Variants in NFASC observed in about 807,000 individuals in gnomAD.
NFASC encodes the protein neurofascin homolog.
In NFASC, 43 loss-of-function variants were observed where a neutral mutation model predicts 147.5. The ratio of observed to expected loss-of-function variants is 0.29; its 90% CI spans 0.23 to 0.38. NFASC has a LOEUF of 0.38. Among genes scored for constraint, NFASC ranks in the 10% least tolerant of loss-of-function variants. NFASC has a pLI of 1.00. For missense variants in NFASC, 1,320 were observed against 1,689.0 expected, an observed-to-expected ratio of 0.78 and a Z score of 3.83; for synonymous variants, 622 against 665.5, an observed-to-expected ratio of 0.93 and a Z score of 1.01.
At chr1:204,837,349 A>G (rs1015309734) in intron 1 of NFASC, among the ~76,000 whole-genome samples, 2 of 152,224 alleles carry the variant, frequency 1.3e-5, no homozygotes, top group African/African-American at 4.8e-5. Flanking sequence ...GCCCACTCAA[A>G]GGGCTAGAAG....
chr1:204,993,222 C>T (rs4501880), intron 24 of NFASC, among the ~76,000 whole-genome samples: 12,573 of 152,240 alleles, frequency 0.083, 701 homozygotes, highest in Middle Eastern at 0.15. Flanking sequence ...GAAGATAATC[C>T]CTCTCATCCA....
At chr1:204,939,628 C>G (rs990209899) in intron 2 of NFASC, among the ~76,000 whole-genome samples, 5 of 152,286 alleles carry the variant, frequency 3.3e-5, no homozygotes, top group Non-Finnish European at 7.3e-5. Context: ...TTGCACTTCT[C>G]TGCACCTAAG....
At chr1:204,887,163 C>G (rs1364472980) in intron 1 of NFASC, among the ~76,000 whole-genome samples, 1 of 151,798 alleles carries the variant, frequency 6.6e-6, no homozygotes, top group Non-Finnish European at 1.5e-5. Flanking sequence ...ATTCCCTCCT[C>G]CCCCAAGCAC....
rs377519786 is a variant in NFASC, at chr1:204,988,716, G to A, written c.2677G>A (p.Val893Met). ...GTTCACGGTGCAAAGAACGGACCCC[G>A]TGTCACGCTACCGCTTTACCCTCAG... ...TKFTVQRTDP[V>M]SRYRFTLSAR... is the part of the protein sequence containing the mutation. Residue 893 changes from valine (V) to methionine (M), a missense_variant, in exon 23 of 30, where the codon GTG (valine) becomes ATG (methionine). Coordinates refer to ENST00000339876, the MANE Select transcript of NFASC (RefSeq NM_001005388.3). 75 of 1,614,118 alleles carry A rather than the reference G, an allele frequency of 4.6e-5. No individual in the cohort carries two copies. The highest frequency in any genetic ancestry group is 1.3e-4 in the African/African-American group (10 of 74,946).
chr1:204,977,654 C>T (rs377231868), intron 16 of NFASC, 27 bp from the exon 17 acceptor site: 1 of 1,605,246 alleles, frequency 6.2e-7, no homozygotes, highest in Admixed American at 1.7e-5. Flanking sequence ...AACCTGCTAA[C>T]CTGGATAACC....
rs1364852707 is a variant in NFASC, at chr1:204,944,216, C to A, written c.-90-10C>A. On this transcript the variant is annotated splice_polypyrimidine_tract_variant and intron_variant, in intron 2 of 29. Coordinates refer to ENST00000339876, the MANE Select transcript of NFASC (RefSeq NM_001005388.3). ...GAAAAACTCACTTGCTCTTATGTTT[C>A]TTTCCACAGCTGAGTGCTGTCCAGG... 11 of 1,550,596 alleles carry A rather than the reference C, an allele frequency of 7.1e-6. No individual in the cohort carries two copies. The highest frequency in any genetic ancestry group is 9.6e-6 in the Non-Finnish European group (11 of 1,149,958).
intron 3 of NFASC, among the ~76,000 whole-genome samples, chr1:204,949,747 C>A (rs2093988996): frequency 6.6e-6 from 1 of 152,214 alleles, no homozygotes. Flanking sequence ...AACCAGCCCC[C>A]AGGTGATGCA....
intron 1 of NFASC, among the ~76,000 whole-genome samples, chr1:204,839,769 G>C (rs565632204): frequency 2.0e-5 from 3 of 152,334 alleles, no homozygotes; most frequent in Admixed American, 2.0e-4. Flanking sequence ...CACTTAAATG[G>C]TGACAGAGCC....
rs530509300 is a variant in NFASC at position 204,888,247 on chromosome 1, A to G, written c.-199-32385A>G. On this transcript the variant is annotated intron_variant, in intron 1 of 29. Coordinates refer to ENST00000339876, the MANE Select transcript of NFASC (RefSeq NM_001005388.3). Reference sequence around the variant, plus strand: ...CAAAGCACTCCCACTGTACTGCAGAACCAAGTCTGGAACCAATGGGTCAGC... The same window carrying G: ...CAAAGCACTCCCACTGTACTGCAGAGCCAAGTCTGGAACCAATGGGTCAGC... Among the ~76,000 whole-genome samples, 127 of 152,318 alleles carry G rather than the reference A, an allele frequency of 8.3e-4. 1 individual carries two copies. The highest frequency in any genetic ancestry group is 2.8e-3 in the African/African-American group (118 of 41,562).
At chr1:204,921,939 C>T (rs2090568997) in intron 2 of NFASC, among the ~76,000 whole-genome samples, 1 of 152,080 alleles carries the variant, frequency 6.6e-6, no homozygotes, top group Admixed American at 6.5e-5. Context: ...GGAAATTCCT[C>T]TGACCTTAGG....
chr1:204,969,894 G>T (rs1187464999), intron 10 of NFASC, among the ~76,000 whole-genome samples: 1 of 151,678 alleles, frequency 6.6e-6, no homozygotes, highest in African/African-American at 2.4e-5. Flanking sequence ...TGGCCAAAAT[G>T]ATGAAACCCC....
chr1:204,924,353 A>G (rs1050904862), intron 2 of NFASC, among the ~76,000 whole-genome samples: 1 of 152,220 alleles, frequency 6.6e-6, no homozygotes, highest in Admixed American at 6.5e-5. Flanking sequence ...TTTCCTCTCT[A>G]TGCTCCCGCT....
chr1:204,850,352 T>A (rs2075563303), intron 1 of NFASC, among the ~76,000 whole-genome samples: 1 of 152,168 alleles, frequency 6.6e-6, no homozygotes, highest in Non-Finnish European at 1.5e-5. Flanking sequence ...GGACTCTCCT[T>A]GTGTATAAGG....
At chr1:204,967,774 C>T (rs1342017265) in intron 8 of NFASC, 1 of 153,720 alleles carries the variant, frequency 6.5e-6, no homozygotes, top group Non-Finnish European at 1.4e-5. Context: ...CATCCCAGCA[C>T]CTTGTTTTCA....
intron 1 of NFASC, among the ~76,000 whole-genome samples, chr1:204,850,180 G>C (rs753172715): frequency 6.6e-5 from 10 of 152,196 alleles, no homozygotes; most frequent in Non-Finnish European, 1.5e-4. Flanking sequence ...ATTCTGTGAG[G>C]CAATGAGTGA....
intron 25 of NFASC, 149 bp downstream of exon 25, chr1:204,997,555 C>A: frequency 1.1e-6 from 1 of 902,658 alleles, no homozygotes; most frequent in Non-Finnish European, 1.8e-6. Flanking sequence ...GAAACTCACC[C>A]GTGACTGGAT....
intron 24 of NFASC, among the ~76,000 whole-genome samples, chr1:204,995,218 G>A (rs1247678892): frequency 1.3e-5 from 2 of 152,172 alleles, no homozygotes; most frequent in Non-Finnish European, 2.9e-5. Flanking sequence ...GAGCCCATGT[G>A]TGTCTATGGC....
intron 27 of NFASC, among the ~76,000 whole-genome samples, chr1:205,007,924 T>C (rs1330975646): frequency 6.6e-6 from 1 of 152,148 alleles, no homozygotes; most frequent in Admixed American, 6.5e-5. Context: ...GAAAGATCAC[T>C]CTGACACTGT....
At chr1:204,916,752 T>C (rs1035884731) in intron 1 of NFASC, among the ~76,000 whole-genome samples, 4 of 152,224 alleles carry the variant, frequency 2.6e-5, no homozygotes, top group Non-Finnish European at 4.4e-5. Context: ...TTTTTATTTT[T>C]TGTAGAGACA....
Sources: allele counts gnomAD v4.1 joint callset (sites outside exome capture counted in the v4.1 genomes callset), GRCh38; gene constraint gnomAD v4.1.1; transcripts MANE v1.5; gene names NCBI Gene and HGNC (gene_info 2026-07-23, HGNC 2026-07-21).